BST2: variants seen among roughly 807,000 people sequenced by gnomAD.
BST2 encodes the protein bone marrow stromal cell antigen 2.
Under a neutral mutation model 18.6 loss-of-function variants are expected in BST2, and 10 were observed. That is an observed-to-expected ratio of 0.54 (90% confidence interval 0.33 to 0.91). The LOEUF (loss-of-function observed/expected upper bound fraction) is 0.91. BST2 is among the 40% of genes least tolerant of loss of function. BST2 has a pLI of 0.02. For missense variants in BST2, 183 were observed against 228.4 expected (o/e 0.80, Z 1.28); for synonymous variants, 75 against 96.8 (o/e 0.77, Z 1.32).
intron 2 of BST2, 56 bp from the exon 3 acceptor site, chr19:17,404,245 G>A (rs2074713239): frequency 6.4e-7 from 1 of 1,568,830 alleles, no homozygotes; most frequent in Non-Finnish European, 8.7e-7. Context: ...CCATGCTGGG[G>A]CCCTGCTCCA....
At chr19:17,403,870 G>A (rs200789063) in intron 3 of BST2, 46 bp from the exon 4 acceptor site, 29 of 1,590,966 alleles carry the variant, frequency 1.8e-5, no homozygotes, top group Middle Eastern at 1.7e-4. Context: ...CCTGGCTCCT[G>A]CCGCCCTCCC....
In BST2 at chr19:17,404,539, G is replaced by A. The variant is rs2074715089; in HGVS notation, c.286-102C>T. 6 of 1,540,844 alleles carry A rather than the reference G, an allele frequency of 3.9e-6. No individual in the cohort carries two copies. In the South Asian group the frequency reaches 6.8e-5, roughly 18 times the overall value. ...GTCCTGGGGACAGAGGGGCTTAAAT[G>A]CAAACCCCTTTCAGGTTTTCTTCCA... On this transcript the variant is annotated intron_variant, in intron 1 of 4. Coordinates refer to ENST00000252593, the MANE Select transcript of BST2 (RefSeq NM_004335.4).
At position 17,402,966 on chromosome 19, in the gene BST2, G is replaced by A. The variant is rs1234892607; in HGVS notation, c.*376C>T. 1 of 984,898 alleles carries A rather than the reference G, an allele frequency of 1.0e-6. No individual in the cohort carries two copies. The highest frequency in any genetic ancestry group is 1.8e-5 in the African/African-American group (1 of 57,040). The allele number at this position is 984,898 out of a possible 1,614,324, so 61.0% of individuals were successfully genotyped here. On this transcript the variant is annotated 3_prime_UTR_variant, in exon 5 of 5. Transcript: ENST00000252593. ...AGGTGTGCTCTCCCTCAAAGGAAGT[G>A]TTTATTTTTTGGAGCTCAAAGACCC...
At chr19:17,403,887 C>T in intron 3 of BST2, 63 bp from the exon 4 acceptor site, 9 of 1,568,440 alleles carry the variant, frequency 5.7e-6, no homozygotes, top group East Asian at 2.2e-5. Context: ...TCCCTGTAAG[C>T]CCACCGCCCC....
Position 17,403,788 on chromosome 19 carries a change from G to A in BST2, c.450C>T (p.Asp150=). The change falls in exon 4 of 5, where the codon GAC becomes GAT. Residue 150 remains aspartate (D), a synonymous_variant. Transcript: ENST00000252593. ...CCTGGGAGCTGGGGTAGTACTTCTTGTCCGCGATTCTCACGCTTAAGACCT... is the reference window on the plus strand; with the variant it reads ...CCTGGGAGCTGGGGTAGTACTTCTTATCCGCGATTCTCACGCTTAAGACCT... The part of the protein sequence containing the change: ...ENQVLSVRIA[D]KKYYPSSQDS... The A allele has an allele frequency of 6.2e-7, 1 of 1,613,960 alleles. No homozygotes were observed. Among genetic ancestry groups the A allele is most frequent in the Non-Finnish European group, 8.5e-7 (1 of 1,179,992 alleles).
intron 1 of BST2, 160 bp from the exon 2 acceptor site, chr19:17,404,597 G>A: frequency 1.8e-6 from 2 of 1,099,690 alleles, no homozygotes; most frequent in South Asian, 1.5e-5. Flanking sequence ...CAACCTTAAA[G>A]AACAGCCACA....
At position 17,403,305 on chromosome 19, in the gene BST2, G is replaced by A. The variant is rs914423044; in HGVS notation, c.*37C>T. ...GAATGTTCAAGCGAAAAGCCGAGCAGGACGGACCTTCCAAGATGTGCCTAA... is the reference window on the plus strand; with the variant it reads ...GAATGTTCAAGCGAAAAGCCGAGCAAGACGGACCTTCCAAGATGTGCCTAA... On this transcript the variant is annotated 3_prime_UTR_variant, in exon 5 of 5. Transcript: ENST00000252593. 1.0e-5 allele frequency: 11 copies of A among 1,090,262 alleles called. No individual in the cohort carries two copies. The highest frequency in any genetic ancestry group is 1.2e-5 in the Non-Finnish European group (11 of 890,484). The allele number at this position is 1,090,262 out of a possible 1,614,324, so 67.5% of individuals were successfully genotyped here. A position where few individuals can be genotyped will look rare whatever the true frequency, so the allele number is the denominator to read the frequency against.
rs1206641467 is a variant in BST2 at position 17,405,581 on chromosome 19, T to G, written c.-6A>C. On this transcript the variant is annotated 5_prime_UTR_variant, in exon 1 of 5. Coordinates refer to ENST00000252593, the MANE Select transcript of BST2 (RefSeq NM_004335.4). ...TCATACGAAGTAGATGCCATCCAGA[T>G]CTCCCCTTTAGAGTCTGGCCTGGAG... The G allele has an allele frequency of 2.7e-6, 4 of 1,506,674 alleles. No homozygotes were observed. Among genetic ancestry groups the G allele is most frequent in the Non-Finnish European group, 3.5e-6 (4 of 1,129,970 alleles). The allele number at this position is 1,506,674 out of a possible 1,614,324, so 93.3% of individuals were successfully genotyped here. A position where few individuals can be genotyped will look rare whatever the true frequency, so the allele number is the denominator to read the frequency against.
At chr19:17,403,648 C>G in intron 4 of BST2, 32 bp downstream of exon 4, 1 of 1,578,518 alleles carries the variant, frequency 6.3e-7, no homozygotes, top group Non-Finnish European at 8.6e-7. Context: ...CAGCTTTCTT[C>G]TCCCTCCCGG....
intron 4 of BST2, 75 bp from the exon 5 acceptor site, chr19:17,403,401 G>GCC: frequency 1.0e-6 from 1 of 959,838 alleles, no homozygotes; most frequent in Non-Finnish European, 1.2e-6. Flanking sequence ...CCGGCCCCAA[G>GCC]CCCCGCCCCC....
At position 17,404,131 on chromosome 19, in the gene BST2, C is replaced by T; in HGVS notation, c.411G>A (p.Leu137=). 6.3e-7 allele frequency: 1 copy of T among 1,587,118 alleles called. No individual in the cohort carries two copies. Among genetic ancestry groups the T allele is most frequent in the East Asian group, 2.3e-5 (1 of 43,340 alleles). ...LQDASAEVER[L]RRENQVLSVR... is the part of the protein sequence containing the mutation. ...AGCGGGGGAAGGCTATCTCTGACCT[C>T]AGTCGCTCCACCTCTGCAGACGCGT... The change falls in exon 3 of 5, where the codon CTG becomes CTA. Residue 137 remains leucine (L), a splice_region_variant and synonymous_variant. Coordinates refer to ENST00000252593, the MANE Select transcript of BST2 (RefSeq NM_004335.4).
rs1017671684 is a variant in BST2 at position 17,403,051 on chromosome 19, C to T, written c.*291G>A. The T allele has an allele frequency of 3.0e-6, 3 of 985,158 alleles. No individual in the cohort carries two copies. The highest frequency in any genetic ancestry group is 1.8e-5 in the African/African-American group (1 of 57,130). The allele number at this position is 985,158 out of a possible 1,614,324, so 61.0% of individuals were successfully genotyped here. ...ATAACAACAGGCAGCACATGCCCCC[C>T]ACACCGCACCCCATGCCCAATCTCA... On this transcript the variant is annotated 3_prime_UTR_variant, in exon 5 of 5. Coordinates refer to ENST00000252593, the MANE Select transcript of BST2 (RefSeq NM_004335.4).
At position 17,403,151 on chromosome 19, in the gene BST2, T is replaced by A. The variant is rs558956110; in HGVS notation, c.*191A>T. ...GGAGACAGCCCTGGGTCAACCCGAC[T>A]GTGTCCCCACACCCAGGACTTCCCC... On this transcript the variant is annotated 3_prime_UTR_variant, in exon 5 of 5. Transcript: ENST00000252593. The A allele has an allele frequency of 5.3e-5, 52 of 987,104 alleles. 1 individual carries two copies. The South Asian group carries it at 2.3e-3, about 44-fold the overall frequency. The allele number at this position is 987,104 out of a possible 1,614,324, so 61.1% of individuals were successfully genotyped here. A position where few individuals can be genotyped will look rare whatever the true frequency, so the allele number is the denominator to read the frequency against.
Position 17,403,300 on chromosome 19 carries a change from G to A in BST2, c.*42C>T. The A allele has an allele frequency of 1.9e-6, 2 of 1,068,098 alleles. No homozygotes were observed. The highest frequency in any genetic ancestry group is 2.6e-5 in the South Asian group (1 of 38,288). The allele number at this position is 1,068,098 out of a possible 1,614,324, so 66.2% of individuals were successfully genotyped here. A position where few individuals can be genotyped will look rare whatever the true frequency, so the allele number is the denominator to read the frequency against. ...CAAGGGAATGTTCAAGCGAAAAGCCGAGCAGGACGGACCTTCCAAGATGTG... is the reference window on the plus strand; with the variant it reads ...CAAGGGAATGTTCAAGCGAAAAGCCAAGCAGGACGGACCTTCCAAGATGTG... On this transcript the variant is annotated 3_prime_UTR_variant, in exon 5 of 5. Transcript: ENST00000252593.
intron 3 of BST2, 110 bp from the exon 4 acceptor site, chr19:17,403,934 CG>C: frequency 6.9e-7 from 1 of 1,456,574 alleles, no homozygotes. Context: ...TCCAAGTCAC[CG>C]GGGAGGGAAT....
intron 4 of BST2, 80 bp from the exon 5 acceptor site, chr19:17,403,406 G>GC: frequency 2.5e-6 from 2 of 784,986 alleles, no homozygotes; most frequent in South Asian, 6.0e-5. Context: ...CCCAAGCCCC[G>GC]CCCCCATCGC....
chr19:17,403,591 CCTCT>C, intron 4 of BST2, 85 bp downstream of exon 4: 1 of 1,492,314 alleles, frequency 6.7e-7, no homozygotes, highest in Non-Finnish European at 8.9e-7. Flanking sequence ...TCCCCTGCAG[CCTCT>C]CTCTCTAGAC....
In BST2 at chr19:17,404,113, G is replaced by A. The variant is rs543758696; in HGVS notation, c.413+16C>T. ...ATGTGGCAGGTGGAGGGTAGCGGGG[G>A]AAGGCTATCTCTGACCTCAGTCGCT... On this transcript the variant is annotated intron_variant, in intron 3 of 4. Coordinates refer to ENST00000252593, the MANE Select transcript of BST2 (RefSeq NM_004335.4). The A allele has an allele frequency of 8.9e-6, 14 of 1,575,306 alleles. No homozygotes were observed. The African/African-American group carries it at 9.5e-5, about 11-fold the overall frequency.
intron 4 of BST2, 124 bp from the exon 5 acceptor site, chr19:17,403,450 C>G: frequency 1.2e-6 from 1 of 847,956 alleles, no homozygotes; most frequent in Non-Finnish European, 1.4e-6. Context: ...AGCCCCTCCC[C>G]TCCATCGATA....
Sources: allele counts gnomAD v4.1 joint callset, GRCh38; gene constraint gnomAD v4.1.1; transcripts MANE v1.5; gene names NCBI Gene and HGNC (gene_info 2026-07-23, HGNC 2026-07-21).